The following SUGCT variants were observed in gnomAD, a reference collection of about 807,000 sequenced individuals.
SUGCT encodes succinyl-CoA:glutarate-CoA transferase.
Under a neutral mutation model 55.0 loss-of-function variants are expected in SUGCT, and 41 were observed. The ratio of observed to expected loss-of-function variants is 0.74; its 90% CI spans 0.58 to 0.97. SUGCT has a LOEUF of 0.97. SUGCT is among the 50% of genes least tolerant of loss of function. The pLI is 0.00. For missense variants in SUGCT, 568 were observed against 547.8 expected, an observed-to-expected ratio of 1.04 and a Z score of -0.37; for synonymous variants, 187 against 200.4, an observed-to-expected ratio of 0.93 and a Z score of 0.56.
At chr7:40,204,348 G>T (rs1786817763) in intron 6 of SUGCT, among the ~76,000 whole-genome samples, 1 of 151,018 alleles carries the variant, frequency 6.6e-6, no homozygotes, top group Admixed American at 6.6e-5. Flanking sequence ...TGTCACCCAG[G>T]CTGGAGTGCA....
At chr7:40,199,831 CTTTTT>C (rs1786492746) in intron 6 of SUGCT, among the ~76,000 whole-genome samples, 1 of 149,638 alleles carries the variant, frequency 6.7e-6, no homozygotes, top group African/African-American at 2.5e-5. Flanking sequence ...TGAAAAGTGC[CTTTTT>C]TATTTTTGTG....
chr7:40,457,738 T>C (rs1241644685), intron 10 of SUGCT, among the ~76,000 whole-genome samples: 1 of 152,186 alleles, frequency 6.6e-6, no homozygotes, highest in Non-Finnish European at 1.5e-5. Context: ...AGAGGACACA[T>C]GGGCATTCCA....
chr7:40,460,741 A>G (rs906499095), intron 11 of SUGCT, among the ~76,000 whole-genome samples: 15 of 152,114 alleles, frequency 9.9e-5, no homozygotes, highest in African/African-American at 2.2e-4. Context: ...ACTCATTGCC[A>G]TTTTCCCTCT....
At chr7:40,438,248 T>C (rs1788281965) in intron 9 of SUGCT, among the ~76,000 whole-genome samples, 1 of 152,150 alleles carries the variant, frequency 6.6e-6, no homozygotes, top group African/African-American at 2.4e-5. Flanking sequence ...CTGTATCTTA[T>C]ATCTCAGGGG....
intron 12 of SUGCT, chr7:40,683,907 C>G (rs553032481): frequency 8.8e-7 from 1 of 1,131,364 alleles, no homozygotes; most frequent in East Asian, 2.7e-5. Context: ...TAGGTCTCAC[C>G]AGGCTAAAAT....
intron 12 of SUGCT, among the ~76,000 whole-genome samples, chr7:40,580,644 G>A (rs765136628): frequency 6.6e-6 from 1 of 152,304 alleles, no homozygotes; most frequent in Non-Finnish European, 1.5e-5. Flanking sequence ...ATTGTGGTGG[G>A]TAAAAAGAAA....
intron 13 of SUGCT, among the ~76,000 whole-genome samples, chr7:40,775,979 C>T (rs1789428116): frequency 6.6e-6 from 1 of 152,142 alleles, no homozygotes; most frequent in Non-Finnish European, 1.5e-5. Flanking sequence ...CTTTCAATGT[C>T]AGATGACCTC....
intron 1 of SUGCT, among the ~76,000 whole-genome samples, chr7:40,155,012 C>T (rs958470211): frequency 6.6e-5 from 10 of 152,106 alleles, no homozygotes; most frequent in South Asian, 2.1e-4. Context: ...AGAGGCAGGG[C>T]GTGGTGGCTC....
chr7:40,515,514 C>T (rs1481510314), intron 12 of SUGCT, among the ~76,000 whole-genome samples: 1 of 152,192 alleles, frequency 6.6e-6, no homozygotes, highest in African/African-American at 2.4e-5. Context: ...AATCTACTTT[C>T]TGTTTTTATG....
intron 12 of SUGCT, among the ~76,000 whole-genome samples, chr7:40,703,352 G>A (rs1785251655): frequency 1.3e-5 from 2 of 152,100 alleles, no homozygotes; most frequent in South Asian, 4.2e-4. Flanking sequence ...TGGTTCTTTT[G>A]AACAGATTTT....
chr7:40,520,592 A>G (rs575815523), intron 12 of SUGCT, among the ~76,000 whole-genome samples: 3 of 152,230 alleles, frequency 2.0e-5, no homozygotes, highest in East Asian at 1.9e-4. Flanking sequence ...ACTCTGTACA[A>G]TTAGCACTCT....
chr7:40,231,803 A>T (rs1788740342), intron 6 of SUGCT, among the ~76,000 whole-genome samples: 1 of 152,210 alleles, frequency 6.6e-6, no homozygotes, highest in Admixed American at 6.5e-5. Context: ...TTACCTTTTC[A>T]AAAGGTCACT....
At position 40,561,923 on chromosome 7, in the gene SUGCT, C is replaced by T. The variant is rs192396779; in HGVS notation, c.1089+65537C>T. Among the ~76,000 whole-genome samples, 308 of 150,452 alleles carry T rather than the reference C, an allele frequency of 2.0e-3. 2 individuals are homozygous for T. Among genetic ancestry groups the T allele is most frequent in the African/African-American group, 7.1e-3 (292 of 41,260 alleles). On this transcript the variant is annotated intron_variant, in intron 12 of 13. Coordinates refer to ENST00000335693, the MANE Select transcript of SUGCT (RefSeq NM_001193313.2). ...GTCAGGCTGGTCTTGAACTCCTGAC[C>T]TCCTGATCCACTGGCCTCAGCCTCC...
intron 11 of SUGCT, among the ~76,000 whole-genome samples, 181 bp from the exon 12 acceptor site, chr7:40,496,103 A>G (rs575477585): frequency 8.5e-5 from 13 of 152,350 alleles, no homozygotes; most frequent in African/African-American, 3.1e-4. Flanking sequence ...GGCTACTCTT[A>G]TCCACCACAG....
intron 13 of SUGCT, among the ~76,000 whole-genome samples, chr7:40,759,642 GT>G (rs370376947): frequency 8.6e-4 from 126 of 145,700 alleles, no homozygotes; most frequent in African/African-American, 1.9e-3. Flanking sequence ...CAACTATTGA[GT>G]TTTTTTTTTT....
At chr7:40,415,154 C>T (rs1349272428) in intron 9 of SUGCT, among the ~76,000 whole-genome samples, 1 of 149,844 alleles carries the variant, frequency 6.7e-6, no homozygotes, top group Non-Finnish European at 1.5e-5. Flanking sequence ...CCCTGTAATC[C>T]CAGCTACTCA....
At chr7:40,162,141 C>T (rs1031962494) in intron 1 of SUGCT, among the ~76,000 whole-genome samples, 3 of 152,150 alleles carry the variant, frequency 2.0e-5, no homozygotes, top group Non-Finnish European at 4.4e-5. Context: ...CGTGATCCGC[C>T]CGCCTCGGCC....
intron 9 of SUGCT, among the ~76,000 whole-genome samples, chr7:40,350,786 C>G (rs1368395517): frequency 2.0e-5 from 3 of 151,854 alleles, no homozygotes; most frequent in Admixed American, 6.6e-5. Context: ...TGCTTTCCCT[C>G]CCCCGCAACC....
At chr7:40,976,092 T>G in the SUGCT span, among the ~76,000 whole-genome samples, 1 of 152,116 alleles carries the variant, frequency 6.6e-6, no homozygotes, top group African/African-American at 2.4e-5. Flanking sequence ...GGTTCAAACA[T>G]TGGTTGTAGG....
Sources: gnomAD v4.1 joint callset for allele counts (sites outside exome capture counted in the v4.1 genomes callset) on GRCh38, gnomAD v4.1.1 for gene constraint, MANE v1.5 for transcripts, NCBI Gene and HGNC (gene_info 2026-07-23, HGNC 2026-07-21) for gene names.